The following NRG3 variants were observed in gnomAD, a reference collection of about 807,000 sequenced individuals.
NRG3 encodes the protein pro-neuregulin-3, membrane-bound isoform.
NRG3 carries 31 observed loss-of-function variants against 66.9 expected under a neutral mutation model. The ratio of observed to expected loss-of-function variants is 0.46; its 90% CI spans 0.35 to 0.63. The LOEUF (loss-of-function observed/expected upper bound fraction) is 0.63. Among genes scored for constraint, NRG3 ranks in the 20% least tolerant of loss-of-function variants. NRG3 has a pLI of 0.00. For missense variants in NRG3, 910 were observed against 878.9 expected (o/e 1.04, Z -0.45); for synonymous variants, 393 against 359.4 (o/e 1.09, Z -1.06).
At chr10:82,580,675 A>G (rs184569728) in intron 2 of NRG3, among the ~76,000 whole-genome samples, 2 of 152,094 alleles carry the variant, frequency 1.3e-5, no homozygotes, top group African/African-American at 2.4e-5. Flanking sequence ...GCTTATTTTT[A>G]TCACTTAATG....
At chr10:82,278,163 T>C (rs1308409680) in intron 1 of NRG3, among the ~76,000 whole-genome samples, 1 of 152,044 alleles carries the variant, frequency 6.6e-6, no homozygotes. Flanking sequence ...ACACTAAAAT[T>C]AGCTAAACCT....
chr10:82,673,963 G>A (rs1441247411), intron 2 of NRG3, among the ~76,000 whole-genome samples: 1 of 152,052 alleles, frequency 6.6e-6, no homozygotes, highest in Non-Finnish European at 1.5e-5. Flanking sequence ...GCAATAAAAG[G>A]CGGGTTTAGG....
intron 1 of NRG3, among the ~76,000 whole-genome samples, chr10:82,059,984 C>T (rs779455203): frequency 2.6e-5 from 4 of 152,082 alleles, no homozygotes; most frequent in Non-Finnish European, 5.9e-5. Flanking sequence ...GCCCTGGACC[C>T]CAAGGAAATC....
intron 4 of NRG3, among the ~76,000 whole-genome samples, chr10:82,879,467 CTTTTTTTT>C (rs201614818): frequency 5.3e-4 from 65 of 121,830 alleles, no homozygotes; most frequent in African/African-American, 1.1e-3. Flanking sequence ...CTAATGAAGA[CTTTTTTTT>C]TTTTTTTTTT....
intron 1 of NRG3, among the ~76,000 whole-genome samples, chr10:82,063,726 C>G (rs1290402635): frequency 6.6e-6 from 1 of 151,882 alleles, no homozygotes; most frequent in Admixed American, 6.6e-5. Flanking sequence ...AACTAAATAG[C>G]TGAAGAAAGA....
At chr10:82,582,265 C>T (rs2133223472) in intron 2 of NRG3, among the ~76,000 whole-genome samples, 1 of 152,108 alleles carries the variant, frequency 6.6e-6, no homozygotes, top group East Asian at 1.9e-4. Context: ...TCCATATCAT[C>T]AGAAAAATGG....
At chr10:82,132,555 C>CTT (rs2069006039) in intron 1 of NRG3, among the ~76,000 whole-genome samples, 8 of 18,682 alleles carry the variant, frequency 4.3e-4, no homozygotes, top group Non-Finnish European at 1.8e-3. Context: ...ATATCTTTGT[C>CTT]TGGTTTTGTT....
chr10:82,328,474 G>A (rs2081980830), intron 1 of NRG3, among the ~76,000 whole-genome samples: 1 of 152,146 alleles, frequency 6.6e-6, no homozygotes, highest in Non-Finnish European at 1.5e-5. Context: ...AATTAGCATA[G>A]CCATCATAAT....
chr10:82,915,651 CA>C (rs1398068729), intron 4 of NRG3, among the ~76,000 whole-genome samples: 6 of 151,872 alleles, frequency 4.0e-5, no homozygotes, highest in African/African-American at 1.2e-4. Flanking sequence ...AAATTAGACA[CA>C]AAATGTTCCT....
At chr10:82,037,476 C>T (rs1038594342) in intron 1 of NRG3, among the ~76,000 whole-genome samples, 1 of 152,160 alleles carries the variant, frequency 6.6e-6, no homozygotes, top group African/African-American at 2.4e-5. Flanking sequence ...GAGGCTGTAT[C>T]CTGTCCCTGA....
At chr10:82,624,829 G>A (rs1168970527) in intron 2 of NRG3, among the ~76,000 whole-genome samples, 6 of 147,162 alleles carry the variant, frequency 4.1e-5, no homozygotes, top group Admixed American at 6.8e-5. Flanking sequence ...ATAAATCCAT[G>A]AAATATTAAA....
intron 4 of NRG3, 27 bp downstream of exon 4, chr10:82,865,464 A>G (rs771628932): frequency 6.2e-7 from 1 of 1,608,576 alleles, no homozygotes; most frequent in Non-Finnish European, 8.5e-7. Flanking sequence ...TGCTCATTTA[A>G]TATCCTGGAA....
chr10:82,677,430 C>T (rs2053789835), intron 2 of NRG3, among the ~76,000 whole-genome samples: 1 of 152,060 alleles, frequency 6.6e-6, no homozygotes, highest in Non-Finnish European at 1.5e-5. Flanking sequence ...AGACTATGCA[C>T]TTTTTGGTAC....
intron 1 of NRG3, among the ~76,000 whole-genome samples, chr10:82,236,342 G>A (rs57159124): frequency 0.18 from 27,361 of 152,042 alleles, 4,008 homozygotes; most frequent in African/African-American, 0.39. Flanking sequence ...CAAGGCCTGC[G>A]ACTTCCACTC....
intron 1 of NRG3, among the ~76,000 whole-genome samples, chr10:81,913,138 A>G (rs946655811): frequency 2.0e-5 from 3 of 151,258 alleles, no homozygotes; most frequent in Non-Finnish European, 2.9e-5. Context: ...ACCACTTTTA[A>G]TCAGTTTTAT....
intron 1 of NRG3, among the ~76,000 whole-genome samples, chr10:82,056,772 A>G (rs1266782247): frequency 1.3e-5 from 2 of 152,174 alleles, no homozygotes; most frequent in Non-Finnish European, 2.9e-5. Flanking sequence ...CCAGGTTAAC[A>G]ATTATGTTCT....
intron 2 of NRG3, 54 bp from the exon 3 acceptor site, chr10:82,738,523 C>T: frequency 7.2e-7 from 1 of 1,394,712 alleles, no homozygotes; most frequent in South Asian, 1.2e-5. Context: ...TTGTTGAAAT[C>T]TTAAGTCTTT....
At position 82,734,557 on chromosome 10, in the gene NRG3, C is replaced by T. The variant is rs541349688; in HGVS notation, c.954-4020C>T. 3.3e-5 allele frequency among the ~76,000 whole-genome samples: 5 copies of T among 152,252 alleles called. No homozygotes were observed. The East Asian group carries it at 9.7e-4, about 29-fold the overall frequency. On this transcript the variant is annotated intron_variant, in intron 2 of 8. Transcript: ENST00000372141. ...GACTCCTGCCCCCTCCCCATTCCCT[C>T]CCTCCCATTGTGAGGGACCAATCTC...
At chr10:82,514,442 C>T (rs1179138400) in intron 2 of NRG3, among the ~76,000 whole-genome samples, 1 of 152,066 alleles carries the variant, frequency 6.6e-6, no homozygotes, top group Non-Finnish European at 1.5e-5. Flanking sequence ...TAAATAGGGA[C>T]TATTTTCCCT....
Sources: gnomAD v4.1 joint callset for allele counts (sites outside exome capture counted in the v4.1 genomes callset) on GRCh38, gnomAD v4.1.1 for gene constraint, MANE v1.5 for transcripts, NCBI Gene and HGNC (gene_info 2026-07-23, HGNC 2026-07-21) for gene names.